Variants in SLC9A3 observed in about 807,000 individuals in gnomAD.
The protein encoded by SLC9A3 is sodium/hydrogen exchanger 3.
SLC9A3 carries 37 observed loss-of-function variants against 86.8 expected under a neutral mutation model. That is an observed-to-expected ratio of 0.43 (90% CI 0.33 to 0.56). SLC9A3 has a LOEUF of 0.56. Ranked by LOEUF, SLC9A3 falls within the 20% of genes least tolerant of loss-of-function variation. SLC9A3 has a pLI of 0.06. For synonymous variants in SLC9A3, 581 were observed against 528.3 expected (o/e 1.10, Z -1.37); for missense variants, 1,011 against 1,171.9 (o/e 0.86, Z 2.00).
intron 10 of SLC9A3, chr5:478,557 T>G (rs116043480): frequency 0.015 from 2,352 of 154,188 alleles, 29 homozygotes; most frequent in Middle Eastern, 0.027. Context: ...CGCTACTGAG[T>G]GGCCGGGAGG....
chr5:489,483 G>C (rs13152890), intron 2 of SLC9A3, among the ~76,000 whole-genome samples: 120,470 of 152,160 alleles, frequency 0.79, 49,687 homozygotes, highest in Non-Finnish European at 0.92. Flanking sequence ...CCTGGCCAGG[G>C]GTTTCTGTGC....
At chr5:523,612 A>C (rs1388611219) in intron 1 of SLC9A3, among the ~76,000 whole-genome samples, 1 of 152,056 alleles carries the variant, frequency 6.6e-6, no homozygotes, top group East Asian at 1.9e-4. Flanking sequence ...TCTAAAAAAA[A>C]AAAAAAAAAA....
chr5:501,796 C>A (rs564292794), intron 1 of SLC9A3, among the ~76,000 whole-genome samples: 1 of 152,348 alleles, frequency 6.6e-6, no homozygotes, highest in Non-Finnish European at 1.5e-5. Context: ...AAGGTGCTCA[C>A]GGAGGTCCGC....
At chr5:481,707 G>T (rs1739176238) in intron 8 of SLC9A3, 72 bp from the exon 9 acceptor site, 8 of 1,318,724 alleles carry the variant, frequency 6.1e-6, no homozygotes, top group Non-Finnish European at 8.7e-6. Context: ...CTCCACTCCT[G>T]GCCCAGCCCC....
At chr5:475,404 GA>G in intron 15 of SLC9A3, 156 bp downstream of exon 15, 1 of 624,910 alleles carries the variant, frequency 1.6e-6, no homozygotes, top group Non-Finnish European at 2.8e-6. Flanking sequence ...CGAGTTGGTT[GA>G]GGGGGCACTC....
At chr5:486,517 C>G (rs1414362964) in intron 3 of SLC9A3, among the ~76,000 whole-genome samples, 2 of 152,214 alleles carry the variant, frequency 1.3e-5, no homozygotes, top group Non-Finnish European at 2.9e-5. Flanking sequence ...GAGGCACCGT[C>G]CCCGCCTCCC....
At chr5:481,419 T>G in intron 9 of SLC9A3, 146 bp downstream of exon 9, 1 of 743,416 alleles carries the variant, frequency 1.3e-6, no homozygotes, top group Non-Finnish European at 2.4e-6. Flanking sequence ...GGGGCACACC[T>G]GGCACCTGGC....
chr5:521,894 G>T (rs759000670), intron 1 of SLC9A3, among the ~76,000 whole-genome samples: 4 of 152,220 alleles, frequency 2.6e-5, no homozygotes, highest in Non-Finnish European at 5.9e-5. Flanking sequence ...AGGGAGGGCT[G>T]GGGGCTGTGT....
chr5:503,673 T>C (rs956528216), intron 1 of SLC9A3, among the ~76,000 whole-genome samples: 3 of 152,248 alleles, frequency 2.0e-5, no homozygotes, highest in African/African-American at 4.8e-5. Flanking sequence ...CTCCAAGCAA[T>C]GCAAGTACAG....
chr5:486,195 C>CGGCTGCGTCTGCAG (rs1399348366), intron 3 of SLC9A3, among the ~76,000 whole-genome samples: 2 of 151,926 alleles, frequency 1.3e-5, no homozygotes, highest in South Asian at 4.2e-4. Flanking sequence ...CCCTTCCCTC[C>CGGCTGCGTCTGCAG]GGCTGCGTCT....
At chr5:502,462 C>T (rs1378127350) in intron 1 of SLC9A3, among the ~76,000 whole-genome samples, 2 of 152,266 alleles carry the variant, frequency 1.3e-5, no homozygotes, top group African/African-American at 4.8e-5. Flanking sequence ...GCGGCGCCTA[C>T]CAGGGGCCGC....
At chr5:476,124 C>T (rs751069727) in intron 13 of SLC9A3, 32 bp from the exon 14 acceptor site, 12 of 1,611,966 alleles carry the variant, frequency 7.4e-6, no homozygotes, top group Admixed American at 1.7e-5. Context: ...GCTCACACCC[C>T]GACACAGCCA....
At chr5:519,861 G>A (rs1272783701) in intron 1 of SLC9A3, among the ~76,000 whole-genome samples, 1 of 152,166 alleles carries the variant, frequency 6.6e-6, no homozygotes, top group Non-Finnish European at 1.5e-5. Context: ...TCAGAGCAGG[G>A]GGCTGCACTC....
chr5:492,498 A>G (rs1739826572), intron 1 of SLC9A3, among the ~76,000 whole-genome samples: 1 of 151,872 alleles, frequency 6.6e-6, no homozygotes, highest in Admixed American at 6.6e-5. Flanking sequence ...CACAGGGCTC[A>G]GAGCTGCAGG....
chr5:482,799 G>T (rs779469697), intron 6 of SLC9A3, 49 bp from the exon 7 acceptor site: 12 of 1,462,996 alleles, frequency 8.2e-6, no homozygotes, highest in Middle Eastern at 1.8e-4. Context: ...CCTCCCAGCC[G>T]CGGGACCCCA....
intron 1 of SLC9A3, among the ~76,000 whole-genome samples, chr5:513,329 G>A (rs1176910825): frequency 6.6e-6 from 1 of 152,176 alleles, no homozygotes; most frequent in Admixed American, 6.5e-5. Flanking sequence ...TTTTTGGGAA[G>A]GAGAAAGGCC....
intron 5 of SLC9A3, 137 bp from the exon 6 acceptor site, chr5:483,619 G>A (rs775285666): frequency 1.9e-4 from 129 of 683,528 alleles, no homozygotes; most frequent in Non-Finnish European, 3.0e-4. Flanking sequence ...TCTTCCTCCC[G>A]AGCCAGGCTG....
chr5:508,366 C>G (rs1560972117), intron 1 of SLC9A3, among the ~76,000 whole-genome samples: 1 of 141,956 alleles, frequency 7.0e-6, no homozygotes, highest in African/African-American at 2.7e-5. Context: ...TCAGCGCGCC[C>G]GGGGATGGAG....
chr5:484,880 T>C (rs1739392668), intron 4 of SLC9A3, among the ~76,000 whole-genome samples, 183 bp from the exon 5 acceptor site: 1 of 152,178 alleles, frequency 6.6e-6, no homozygotes, highest in African/African-American at 2.4e-5. Flanking sequence ...GACCCTCCCG[T>C]GCCCCTGGGA....
Sources: allele counts gnomAD v4.1 joint callset (sites outside exome capture counted in the v4.1 genomes callset), GRCh38; gene constraint gnomAD v4.1.1; transcripts MANE v1.5; gene names NCBI Gene and HGNC (gene_info 2026-07-23, HGNC 2026-07-21).